ARHGEF26: variants seen among roughly 807,000 people sequenced by gnomAD.
The protein encoded by ARHGEF26 is Rho guanine nucleotide exchange factor (GEF) 26.
A neutral mutation model predicts 89.4 loss-of-function variants in ARHGEF26; 59 were observed. The observed-to-expected ratio is 0.66, with a 90% CI of 0.54 to 0.82. ARHGEF26 has a LOEUF of 0.82. ARHGEF26 is among the 40% of genes least tolerant of loss of function. The pLI is 0.00. For missense variants in ARHGEF26, 1,234 were observed against 1,085.6 expected (o/e 1.14, Z -1.92); for synonymous variants, 500 against 428.4 (o/e 1.17, Z -2.06).
intron 10 of ARHGEF26, among the ~76,000 whole-genome samples, chr3:154,219,892 C>T (rs945207379): frequency 1.1e-4 from 16 of 150,778 alleles, no homozygotes; most frequent in Non-Finnish European, 1.5e-4. Context: ...CCAGCCTGGG[C>T]GACAGAGCGA....
intron 11 of ARHGEF26, among the ~76,000 whole-genome samples, chr3:154,229,021 C>T (rs915897219): frequency 2.6e-5 from 4 of 152,156 alleles, no homozygotes; most frequent in African/African-American, 9.7e-5. Context: ...CCGATCCAGA[C>T]TGGCAGAAGG....
chr3:154,122,051 G>A lies in ARHGEF26; in HGVS notation c.59G>A (p.Arg20Lys), dbSNP rs1717965484. The change falls in exon 2 of 15, where the codon AGG (arginine) becomes AAG (lysine). Residue 20 changes from arginine (R) to lysine (K), a missense_variant. Physicochemically the swap from Arg to Lys is conservative, Grantham distance 26. Coordinates refer to ENST00000465093, the MANE Select transcript of ARHGEF26 (RefSeq NM_015595.4). Reference protein sequence around the residue: ...SSNSITPLWRRRSIPQPHQVL... With the variant: ...SSNSITPLWRKRSIPQPHQVL... Reference sequence around the variant, plus strand: ...AACAGCATAACCCCTTTGTGGCGGAGGCGGTCGATTCCTCAGCCCCACCAG... The same window carrying A: ...AACAGCATAACCCCTTTGTGGCGGAAGCGGTCGATTCCTCAGCCCCACCAG... 2 of 1,611,748 alleles carry A rather than the reference G, an allele frequency of 1.2e-6. No homozygotes were observed. The highest frequency in any genetic ancestry group is 1.7e-6 in the Non-Finnish European group (2 of 1,178,232).
intron 7 of ARHGEF26, 94 bp from the exon 8 acceptor site, chr3:154,191,195 G>T: frequency 7.6e-7 from 1 of 1,324,210 alleles, no homozygotes; most frequent in Non-Finnish European, 1.0e-6. Context: ...GATGCTATAT[G>T]GATTTATCAC....
Position 154,122,441 on chromosome 3 carries a change from C to G in ARHGEF26, c.449C>G (p.Pro150Arg), listed in dbSNP as rs1432896487. 3.7e-6 allele frequency: 6 copies of G among 1,611,904 alleles called. No homozygotes were observed. The highest frequency in any genetic ancestry group is 4.2e-6 in the Non-Finnish European group (5 of 1,179,524). The change falls in exon 2 of 15, where the codon CCT becomes CGT. Residue 150 changes from proline to arginine, a missense_variant. Pro to Arg is a moderately radical substitution (Grantham distance 103). Coordinates refer to ENST00000465093, the MANE Select transcript of ARHGEF26 (RefSeq NM_015595.4). ...CCGGTTCTGCGCCCCCCGCGGACTC[C>G]TAACGCGCCCGCCCCCTGCACCCCC... ...PPPVLRPPRT[P>R]NAPAPCTPEE... is the part of the protein sequence containing the mutation.
chr3:154,254,933 T>TA, intron 14 of ARHGEF26, 109 bp downstream of exon 14: 1 of 916,476 alleles, frequency 1.1e-6, no homozygotes, highest in South Asian at 1.5e-5. Context: ...CTTGACATGT[T>TA]AATGTTTGAG....
chr3:154,202,451 G>A (rs1031355378), intron 9 of ARHGEF26, among the ~76,000 whole-genome samples: 1 of 152,086 alleles, frequency 6.6e-6, no homozygotes, highest in Non-Finnish European at 1.5e-5. Flanking sequence ...CTCCAGCTTT[G>A]TTCTTTTGGC....
At chr3:154,143,173 CAG>C (rs1277629312) in intron 4 of ARHGEF26, among the ~76,000 whole-genome samples, 2 of 152,122 alleles carry the variant, frequency 1.3e-5, no homozygotes, top group Admixed American at 1.3e-4. Flanking sequence ...ACAGAAAAAT[CAG>C]AAAGTACCAA....
intron 3 of ARHGEF26, among the ~76,000 whole-genome samples, chr3:154,129,315 G>A (rs533361679): frequency 1.1e-4 from 16 of 152,306 alleles, no homozygotes; most frequent in African/African-American, 3.1e-4. Context: ...TCCTTCATGA[G>A]TAGTGGACAG....
intron 9 of ARHGEF26, among the ~76,000 whole-genome samples, chr3:154,210,332 A>G (rs1216622558): frequency 6.6e-6 from 1 of 152,070 alleles, no homozygotes; most frequent in African/African-American, 2.4e-5. Flanking sequence ...CTGTTTATTC[A>G]GGGCCCAAGG....
chr3:154,231,832 A>T (rs1716843722), intron 11 of ARHGEF26, among the ~76,000 whole-genome samples: 1 of 152,074 alleles, frequency 6.6e-6, no homozygotes, highest in Admixed American at 6.5e-5. Flanking sequence ...GTGAGTGAGG[A>T]AAAACTATTG....
At chr3:154,151,652 A>G (rs1720031630) in intron 5 of ARHGEF26, among the ~76,000 whole-genome samples, 1 of 152,200 alleles carries the variant, frequency 6.6e-6, no homozygotes, top group South Asian at 2.1e-4. Context: ...CTGAGGCTAG[A>G]TTAGCACATT....
intron 6 of ARHGEF26, among the ~76,000 whole-genome samples, chr3:154,169,149 G>A (rs1022576474): frequency 6.6e-6 from 1 of 152,014 alleles, no homozygotes; most frequent in Non-Finnish European, 1.5e-5. Flanking sequence ...CCAAGCACTC[G>A]GAGTCTCAAT....
At chr3:154,146,365 A>G (rs531560210) in intron 4 of ARHGEF26, among the ~76,000 whole-genome samples, 50 of 152,342 alleles carry the variant, frequency 3.3e-4, no homozygotes, top group African/African-American at 1.1e-3. Flanking sequence ...GGAGGACACA[A>G]ACCTTCAGAC....
At chr3:154,213,334 G>T (rs1715508462) in intron 9 of ARHGEF26, among the ~76,000 whole-genome samples, 2 of 151,468 alleles carry the variant, frequency 1.3e-5, no homozygotes, top group South Asian at 4.2e-4. Flanking sequence ...TAAAGCTTTG[G>T]CATAAATTGA....
chr3:154,131,000 A>G (rs80108185), intron 4 of ARHGEF26, among the ~76,000 whole-genome samples: 427 of 152,316 alleles, frequency 2.8e-3, no homozygotes, highest in African/African-American at 9.3e-3. Flanking sequence ...TCAAAATTCA[A>G]TACACCAAGC....
chr3:154,121,116 CT>C (rs1266492903), upstream of ARHGEF26: 2 of 152,266 alleles, frequency 1.3e-5, no homozygotes, highest in Non-Finnish European at 2.9e-5. Context: ...GCAGGGCTCC[CT>C]TGCTTGTTCT....
At chr3:154,127,137 TTACTG>T (rs1718379838) in intron 3 of ARHGEF26, among the ~76,000 whole-genome samples, 1 of 152,232 alleles carries the variant, frequency 6.6e-6, no homozygotes, top group African/African-American at 2.4e-5. Context: ...GCCTAGAACA[TTACTG>T]TACACTATTG....
At chr3:154,216,492 A>ATTTTTTTTTTTTTTTT (rs1428596973) in intron 9 of ARHGEF26, among the ~76,000 whole-genome samples, 3 of 129,006 alleles carry the variant, frequency 2.3e-5, no homozygotes, top group African/African-American at 5.8e-5. Context: ...TTTTTTTTTT[A>ATTTTTTTTTTTTTTTT]TTTTTTTTTA....
intron 9 of ARHGEF26, among the ~76,000 whole-genome samples, chr3:154,202,358 G>C (rs1206410109): frequency 6.6e-6 from 1 of 152,050 alleles, no homozygotes; most frequent in African/African-American, 2.4e-5. Context: ...TGTTCCCTTG[G>C]TCTATATCTC....
Sources: allele counts gnomAD v4.1 joint callset (sites outside exome capture counted in the v4.1 genomes callset), GRCh38; gene constraint gnomAD v4.1.1; transcripts MANE v1.5; gene names NCBI Gene and HGNC (gene_info 2026-07-23, HGNC 2026-07-21).